ANKRD28: variants seen among roughly 807,000 people sequenced by gnomAD.
ANKRD28 encodes the protein ankyrin repeat domain 28.
ANKRD28 carries 44 observed loss-of-function variants against 126.5 expected under a neutral mutation model. The ratio of observed to expected loss-of-function variants is 0.35; its 90% CI spans 0.27 to 0.45. The LOEUF is 0.45. ANKRD28 is among the 20% of genes least tolerant of loss of function. The pLI, the probability that ANKRD28 is intolerant of heterozygous loss-of-function variation, is 1.00. For missense variants in ANKRD28, 1,110 were observed against 1,316.6 expected, an observed-to-expected ratio of 0.84 and a Z score of 2.43; for synonymous variants, 442 against 468.5, an observed-to-expected ratio of 0.94 and a Z score of 0.73.
At chr3:15,855,954 A>C (rs1276988294) in intron 1 of ANKRD28, among the ~76,000 whole-genome samples, 1 of 152,240 alleles carries the variant, frequency 6.6e-6, no homozygotes, top group Non-Finnish European at 1.5e-5. Flanking sequence ...AATTTTTAAA[A>C]AGTGTTTTGA....
intron 7 of ANKRD28, 28 bp from the exon 8 acceptor site, chr3:15,721,155 TTAAAG>T (rs771222569): frequency 6.3e-7 from 1 of 1,579,506 alleles, no homozygotes; most frequent in Non-Finnish European, 8.6e-7. Context: ...AATGCGAATG[TTAAAG>T]TAGTTTTGCT....
Position 15,714,498 on chromosome 3 carries a change from C to G in ANKRD28, c.1075+80G>C, listed in dbSNP as rs77877452. 1,730 of 982,254 alleles carry G rather than the reference C, an allele frequency of 1.8e-3. 9 individuals carry two copies. The highest frequency in any genetic ancestry group is 1.2e-3 in the Non-Finnish European group (788 of 677,766). 60.8% of individuals were successfully genotyped at this position (982,254 alleles called of 1,614,324 possible). ...AAAATGCGATGACAATTCCTCAATACCATTCATTTGGTGGATGTTTTTACT... is the reference window on the plus strand; with the variant it reads ...AAAATGCGATGACAATTCCTCAATAGCATTCATTTGGTGGATGTTTTTACT... On this transcript the variant is annotated intron_variant, in intron 9 of 27. Transcript: ENST00000683139.
At chr3:15,808,846 A>G (rs1323796109) in intron 1 of ANKRD28, among the ~76,000 whole-genome samples, 2 of 152,194 alleles carry the variant, frequency 1.3e-5, no homozygotes, top group African/African-American at 4.8e-5. Context: ...CATCAATGAT[A>G]ATTTATTACA....
chr3:15,685,606 T>C (rs1195383359), intron 20 of ANKRD28, among the ~76,000 whole-genome samples, 161 bp from the exon 21 acceptor site: 1 of 152,208 alleles, frequency 6.6e-6, no homozygotes, highest in Admixed American at 6.5e-5. Context: ...TTGGAAGTGG[T>C]TTAAAAATTC....
chr3:15,754,321 C>A (rs1001716980), intron 3 of ANKRD28, among the ~76,000 whole-genome samples: 2 of 152,242 alleles, frequency 1.3e-5, no homozygotes, highest in Middle Eastern at 3.4e-3. Flanking sequence ...CCTTATGGGA[C>A]CCTCTTGATT....
rs2061294360 is a variant in ANKRD28 at position 15,835,126 on chromosome 3, C to A, written c.27+24251G>T. On this transcript the variant is annotated intron_variant, in intron 1 of 27. Coordinates refer to the ANKRD28 transcript ENST00000399451. ...TCGCACCACTGCACTCCAGCCTGGG[C>A]AAAAGAGCAAGACTCTGTATCAAAA... is the stretch of plus-strand genomic sequence containing the variant. 5.9e-5 allele frequency among the ~76,000 whole-genome samples: 9 copies of A among 151,556 alleles called. No homozygotes were observed. The South Asian group carries it at 1.9e-3, about 32-fold the overall frequency.
intron 3 of ANKRD28, among the ~76,000 whole-genome samples, chr3:15,762,224 A>AACAAC (rs1375653227): frequency 9.3e-6 from 1 of 107,652 alleles, no homozygotes; most frequent in African/African-American, 3.4e-5. Context: ...CAAAACAAAA[A>AACAAC]AAAAAAAACT....
In ANKRD28 at chr3:15,675,988, G is replaced by A. The variant is rs1444842835; in HGVS notation, c.2875C>T (p.Pro959Ser). ...INATNAALQT[P>S]LHVAARNGLT... ...CCATTTCGGGCAGCAACATGCAGAG[G>A]TCTAGGGGAAAAAACATGATACATG... The change falls in exon 27 of 28, where the codon CCT becomes TCT. Residue 959 changes from proline (P) to serine (S), a missense_variant and splice_region_variant. Coordinates refer to ENST00000683139, the MANE Select transcript of ANKRD28 (RefSeq NM_001349278.2). 1.2e-6 allele frequency: 2 copies of A among 1,610,462 alleles called. No individual in the cohort carries two copies. Among genetic ancestry groups the A allele is most frequent in the African/African-American group, 1.3e-5 (1 of 74,850 alleles).
chr3:15,820,519 C>T (rs1345160), intron 1 of ANKRD28, among the ~76,000 whole-genome samples: 74,774 of 152,016 alleles, frequency 0.49, 20,308 homozygotes, highest in Non-Finnish European at 0.6. Context: ...GGAAGGGGAA[C>T]GTAGTAGAGA....
chr3:15,838,311 C>G lies in ANKRD28; in HGVS notation c.27+21066G>C, dbSNP rs76176486. 6.6e-6 allele frequency among the ~76,000 whole-genome samples: 1 copy of G among 152,094 alleles called. No individual in the cohort carries two copies. Among genetic ancestry groups the G allele is most frequent in the Non-Finnish European group, 1.5e-5 (1 of 68,006 alleles). On this transcript the variant is annotated intron_variant, in intron 1 of 27. Coordinates refer to the ANKRD28 transcript ENST00000399451. This position sits in a 1 kb window ranked among gnomAD's most constrained non-coding sequence, Gnocchi z 4.0. Reference sequence around the variant, plus strand: ...ACCAAAGCCAGACAAAGATATCACACGAATAGAGATTTTTTTTAATCCTAA... The same window carrying G: ...ACCAAAGCCAGACAAAGATATCACAGGAATAGAGATTTTTTTTAATCCTAA...
intron 1 of ANKRD28, among the ~76,000 whole-genome samples, chr3:15,811,508 G>A (rs2060710986): frequency 2.0e-5 from 3 of 152,040 alleles, no homozygotes; most frequent in South Asian, 2.1e-4. Flanking sequence ...AGGCTGGAGT[G>A]CAGTGGCACA....
chr3:15,700,690 C>T (rs1402109825), intron 14 of ANKRD28, among the ~76,000 whole-genome samples: 3 of 152,098 alleles, frequency 2.0e-5, no homozygotes, highest in African/African-American at 7.2e-5. Context: ...AGGAGAATTG[C>T]TTGAACTCAG....
At chr3:15,681,885 G>C (rs2067582261) in intron 21 of ANKRD28, among the ~76,000 whole-genome samples, 1 of 152,160 alleles carries the variant, frequency 6.6e-6, no homozygotes, top group South Asian at 2.1e-4. Context: ...ATGCACTGGA[G>C]AGTCCCTTGC....
exon 1 of ANKRD28, chr3:15,859,466 A>T (rs62243667): frequency 4.9e-6 from 7 of 1,428,110 alleles, no homozygotes; most frequent in Non-Finnish European, 5.5e-6. Flanking sequence ...GCCGCCGCCG[A>T]CCGGCCCACT....
intron 14 of ANKRD28, among the ~76,000 whole-genome samples, chr3:15,703,487 C>T (rs977452668): frequency 6.6e-6 from 1 of 152,164 alleles, no homozygotes; most frequent in African/African-American, 2.4e-5. Flanking sequence ...ATAAATAAGG[C>T]CCAAAAGAGC....
chr3:15,830,938 G>A lies in ANKRD28; in HGVS notation c.27+28439C>T, dbSNP rs772611115. Among the ~76,000 whole-genome samples the A allele has an allele frequency of 1.3e-5, 2 of 152,048 alleles. No homozygotes were observed. The highest frequency in any genetic ancestry group is 2.9e-5 in the Non-Finnish European group (2 of 68,014). On this transcript the variant is annotated intron_variant, in intron 1 of 27. Transcript: ENST00000399451. The surrounding 1 kb of genome is among the most constrained non-coding windows in gnomAD (Gnocchi z 4.5). ...AAAAACTCTGGACAGCAAACCTCAC[G>A]TGGGTGGCCTTGGTTGGCAATACTC... is the stretch of plus-strand genomic sequence containing the variant.
At chr3:15,679,406 TC>T (rs762069766) in intron 22 of ANKRD28, 22 bp from the exon 23 acceptor site, 1 of 1,613,480 alleles carries the variant, frequency 6.2e-7, no homozygotes, top group Non-Finnish European at 8.5e-7. Flanking sequence ...AACAAGGTGA[TC>T]ATTCTCACAG....
chr3:15,750,455 T>C (rs942911479), intron 4 of ANKRD28, among the ~76,000 whole-genome samples: 1 of 152,220 alleles, frequency 6.6e-6, no homozygotes. Context: ...CACGTAATAA[T>C]TGAAGCCAGT....
At chr3:15,766,093 G>T in intron 3 of ANKRD28, 141 bp downstream of exon 3, 1 of 613,334 alleles carries the variant, frequency 1.6e-6, no homozygotes, top group South Asian at 2.5e-5. Context: ...AGTATTTATG[G>T]AATGAATATA....
Sources: gnomAD v4.1 joint callset for allele counts (sites outside exome capture counted in the v4.1 genomes callset) on GRCh38, gnomAD v4.1.1 for gene constraint, Gnocchi (gnomAD v3.1) non-coding constraint, MANE v1.5 for transcripts, NCBI Gene and HGNC (gene_info 2026-07-23, HGNC 2026-07-21) for gene names.